Variants in SMAP2 observed in about 807,000 individuals in gnomAD.
SMAP2 encodes the protein small ArfGAP2.
A neutral mutation model predicts 56.4 loss-of-function variants in SMAP2; 25 were observed. The ratio of observed to expected loss-of-function variants is 0.44; its 90% CI spans 0.32 to 0.62. The LOEUF (loss-of-function observed/expected upper bound fraction) is 0.62. Among genes scored for constraint, SMAP2 ranks in the 20% least tolerant of loss-of-function variants. SMAP2 has a pLI of 0.04. For missense variants in SMAP2, 388 were observed against 545.6 expected (o/e 0.71, Z 2.88); for synonymous variants, 157 against 181.7 (o/e 0.86, Z 1.09).
At position 40,416,242 on chromosome 1, in the gene SMAP2, G is replaced by T; in HGVS notation, c.748G>T (p.Glu250Ter). The T allele has an allele frequency of 6.2e-7, 1 of 1,614,058 alleles. No homozygotes were observed. The highest frequency in any genetic ancestry group is 8.5e-7 in the Non-Finnish European group (1 of 1,180,028). Residue 250 changes from glutamate to a stop codon, truncating the protein, a stop_gained, in exon 8 of 10, where the codon GAG becomes TAG. Coordinates refer to ENST00000372718, the MANE Select transcript of SMAP2 (RefSeq NM_022733.3). LOFTEE classifies it high-confidence loss of function. Reference protein sequence around the residue: ...SVPENLNLFPEPGSKSEEIGK... With the variant: ...SVPENLNLFP ...TCCTGAAAATCTGAACCTGTTTCCG[G>T]AGCCAGGGAGCAAATCAGAAGAAAT...
chr1:40,406,908 C>G (rs1362975020), intron 2 of SMAP2, 39 bp downstream of exon 2: 1 of 1,563,316 alleles, frequency 6.4e-7, no homozygotes, highest in Non-Finnish European at 8.7e-7. Flanking sequence ...TTCCATATAT[C>G]TATGTAAAAG....
At chr1:40,398,516 C>T (rs957715898) in intron 1 of SMAP2, among the ~76,000 whole-genome samples, 4 of 152,168 alleles carry the variant, frequency 2.6e-5, no homozygotes, top group African/African-American at 4.8e-5. Flanking sequence ...AATTTTTCCC[C>T]GTTAAATGGT....
intron 1 of SMAP2, among the ~76,000 whole-genome samples, chr1:40,382,874 G>A (rs1030480676): frequency 4.6e-5 from 7 of 152,106 alleles, no homozygotes; most frequent in Admixed American, 4.6e-4. Flanking sequence ...TTGAATGCAT[G>A]AATTGATTTT....
chr1:40,417,640 T>C (rs898658368), intron 9 of SMAP2, among the ~76,000 whole-genome samples: 3 of 152,080 alleles, frequency 2.0e-5, no homozygotes, highest in African/African-American at 7.2e-5. Context: ...CTCTGTTTAC[T>C]TGGAGGATCA....
chr1:40,387,577 C>T (rs1406042041), intron 1 of SMAP2, among the ~76,000 whole-genome samples: 1 of 151,468 alleles, frequency 6.6e-6, no homozygotes, highest in African/African-American at 2.4e-5. Context: ...TTCGGGAGAA[C>T]CCTGGTTTCC....
intron 2 of SMAP2, among the ~76,000 whole-genome samples, chr1:40,363,932 G>T (rs1175751965): frequency 6.6e-6 from 1 of 152,198 alleles, no homozygotes; most frequent in Non-Finnish European, 1.5e-5. Context: ...GAATCACGAA[G>T]CTCACTAAGC....
Position 40,374,356 on chromosome 1 carries a change from A to G in SMAP2, c.103+133A>G. 1 of 784,802 alleles carries G rather than the reference A, an allele frequency of 1.3e-6. No individual in the cohort carries two copies. Among genetic ancestry groups the G allele is most frequent in the Non-Finnish European group, 2.2e-6 (1 of 460,654 alleles). 48.6% of individuals were successfully genotyped at this position (784,802 alleles called of 1,614,324 possible). ...AAGTGGTAACGCGTGCTGCGCTTGC[A>G]GTGAGCCTACTGGGCTTTCTGCAGC... On this transcript the variant is annotated intron_variant, in intron 1 of 9. Coordinates refer to ENST00000372718, the MANE Select transcript of SMAP2 (RefSeq NM_022733.3). The surrounding 1 kb of genome is among the most constrained non-coding windows in gnomAD (Gnocchi z 5.9).
intron 1 of SMAP2, among the ~76,000 whole-genome samples, chr1:40,397,722 C>A (rs1322043198): frequency 6.6e-6 from 1 of 152,058 alleles, no homozygotes; most frequent in African/African-American, 2.4e-5. Context: ...ACAAGAGAGA[C>A]CTGTAAGCAA....
chr1:40,380,529 C>CTTTTTTTTTTTTTTTTTTTTTTTTTTTTT (rs370625950), intron 1 of SMAP2, among the ~76,000 whole-genome samples: 1 of 142,878 alleles, frequency 7.0e-6, no homozygotes, highest in Admixed American at 7.1e-5. Context: ...ATCTGTGGCA[C>CTTTTTTTTTTTTTTTTTTTTTTTTTTTTT]TTTTTTTTTT....
In SMAP2 at chr1:40,374,624, TGAGA is replaced by T. The variant is rs370811801; in HGVS notation, c.103+416_103+419del. ...GTGTGTGTGTGTGTGTGTGTGTGTG[TGAGA>T]GAGAGAGAGAGAGAATGACGAGGAG... On this transcript the variant is annotated intron_variant, in intron 1 of 9. Transcript: ENST00000372718. The surrounding 1 kb of genome is among the most constrained non-coding windows in gnomAD (Gnocchi z 5.9). The T allele has an allele frequency of 3.4e-4, 287 of 834,158 alleles. 2 individuals are homozygous for T. Among genetic ancestry groups the T allele is most frequent in the South Asian group, 1.3e-3 (81 of 61,386 alleles). The allele number at this position is 834,158 out of a possible 1,614,324, so 51.7% of individuals were successfully genotyped here.
chr1:40,355,205 T>C (rs1644430065), intron 1 of SMAP2, among the ~76,000 whole-genome samples: 1 of 152,166 alleles, frequency 6.6e-6, no homozygotes, highest in Non-Finnish European at 1.5e-5. Flanking sequence ...AGTTCTATTC[T>C]TGCTTTGCCA....
At chr1:40,353,891 A>G (rs1644421274) in intron 1 of SMAP2, among the ~76,000 whole-genome samples, 1 of 152,106 alleles carries the variant, frequency 6.6e-6, no homozygotes, top group South Asian at 2.1e-4. Context: ...GTGCCTGGCC[A>G]GAATGTGCAT....
At position 40,386,838 on chromosome 1, in the gene SMAP2, G is replaced by A. The variant is rs944275382; in HGVS notation, c.103+12615G>A. Among the ~76,000 whole-genome samples the A allele has an allele frequency of 2.7e-5, 4 of 149,694 alleles. No homozygotes were observed. Among genetic ancestry groups the A allele is most frequent in the African/African-American group, 9.9e-5 (4 of 40,382 alleles). ...TATGAAAAATATAATGATGCTGAAG[G>A]TATTTTTCATAATTCTTTTTTTTTT... On this transcript the variant is annotated intron_variant, in intron 1 of 9. Coordinates refer to ENST00000372718, the MANE Select transcript of SMAP2 (RefSeq NM_022733.3). This position sits in a 1 kb window ranked among gnomAD's most constrained non-coding sequence, Gnocchi z 4.1.
chr1:40,398,550 C>G (rs1644796557), intron 1 of SMAP2, among the ~76,000 whole-genome samples: 1 of 152,152 alleles, frequency 6.6e-6, no homozygotes, highest in Non-Finnish European at 1.5e-5. Flanking sequence ...CTTAATGTAA[C>G]CTATTAATGT....
intron 1 of SMAP2, among the ~76,000 whole-genome samples, chr1:40,383,594 AATT>A (rs1644621836): frequency 6.6e-6 from 1 of 152,194 alleles, no homozygotes; most frequent in African/African-American, 2.4e-5. Flanking sequence ...TTGCTGAAAC[AATT>A]ATTAGTCCCA....
In SMAP2 at chr1:40,408,680, G is replaced by A. The variant is rs746470923; in HGVS notation, c.265G>A (p.Ala89Thr). The change falls in exon 3 of 10, where the codon GCA becomes ACA. Residue 89 changes from alanine (A) to threonine (T), a missense_variant. Transcript: ENST00000372718. This position sits in a 1 kb window ranked among gnomAD's most constrained non-coding sequence, Gnocchi z 4.3. ...QCMQEMGNGK[A>T]NRLYEAYLPE... is the part of the protein sequence containing the mutation. ...CATGCAAGAGATGGGAAATGGAAAG[G>A]CAAACCGACTTTATGAAGCCTATCT... 6.2e-7 allele frequency: 1 copy of A among 1,613,942 alleles called. No individual in the cohort carries two copies. Among genetic ancestry groups the A allele is most frequent in the Non-Finnish European group, 8.5e-7 (1 of 1,179,842 alleles).
chr1:40,362,376 G>A, exon 2 of SMAP2: 1 of 152,206 alleles, frequency 6.6e-6, no homozygotes, highest in African/African-American at 2.4e-5. Context: ...GAAGGGCTGA[G>A]AGAGGATGTG....
Position 40,386,133 on chromosome 1 carries a change from A to G in SMAP2, c.103+11910A>G, listed in dbSNP as rs529222059. 3.0e-4 allele frequency among the ~76,000 whole-genome samples: 45 copies of G among 152,076 alleles called. No homozygotes were observed. Among genetic ancestry groups the G allele is most frequent in the Non-Finnish European group, 5.7e-4 (39 of 68,026 alleles). On this transcript the variant is annotated intron_variant, in intron 1 of 9. Transcript: ENST00000372718. The surrounding 1 kb of genome is among the most constrained non-coding windows in gnomAD (Gnocchi z 4.1). The stretch of plus-strand genomic sequence containing the variant: ...CCCTGAGAAGAGAAACAGGAAGGAA[A>G]CTCCCTGTTCTTACCATGATGCTTT...
intron 4 of SMAP2, among the ~76,000 whole-genome samples, chr1:40,412,376 A>C (rs2124357740): frequency 6.6e-6 from 1 of 152,208 alleles, no homozygotes; most frequent in East Asian, 1.9e-4. Context: ...TCCCTGCATA[A>C]AGTGCATTTT....
Sources: allele counts gnomAD v4.1 joint callset (sites outside exome capture counted in the v4.1 genomes callset), GRCh38; gene constraint gnomAD v4.1.1; non-coding constraint Gnocchi (gnomAD v3.1); transcripts MANE v1.5; gene names NCBI Gene and HGNC (gene_info 2026-07-23, HGNC 2026-07-21).